MTRR: variants seen among roughly 807,000 people sequenced by gnomAD.
MTRR encodes methionine synthase reductase.
MTRR carries 63 observed loss-of-function variants against 79.2 expected under a neutral mutation model. The observed-to-expected ratio is 0.80, with a 90% confidence interval of 0.65 to 0.98. The LOEUF is 0.98. Ranked by LOEUF, MTRR falls within the 50% of genes least tolerant of loss-of-function variation. The pLI, the probability that MTRR is intolerant of heterozygous loss-of-function variation, is 0.00. For missense variants in MTRR, 895 were observed against 839.6 expected, an observed-to-expected ratio of 1.07 and a Z score of -0.82; for synonymous variants, 355 against 313.3, an observed-to-expected ratio of 1.13 and a Z score of -1.41.
intron 9 of MTRR, 77 bp from the exon 10 acceptor site, chr5:7,891,289 ATTTTTT>A (rs71591748): frequency 3.0e-4 from 110 of 365,124 alleles, no homozygotes; most frequent in Middle Eastern, 6.5e-4. Flanking sequence ...AAGACATGGA[ATTTTTT>A]TTTTTTTTTT....
intron 4 of MTRR, among the ~76,000 whole-genome samples, chr5:7,876,803 G>A (rs527270146): frequency 9.2e-5 from 14 of 152,282 alleles, no homozygotes; most frequent in African/African-American, 2.9e-4. Context: ...AGGGTCAAAC[G>A]GATTAATACA....
intron 5 of MTRR, among the ~76,000 whole-genome samples, chr5:7,881,473 C>T (rs1161716781): frequency 1.3e-5 from 2 of 152,020 alleles, no homozygotes; most frequent in African/African-American, 4.8e-5. Flanking sequence ...GGACTGGCCA[C>T]ATCTGCAGGC....
intron 5 of MTRR, among the ~76,000 whole-genome samples, chr5:7,881,330 C>T (rs1400037631): frequency 1.3e-5 from 2 of 151,936 alleles, no homozygotes; most frequent in Non-Finnish European, 2.9e-5. Context: ...GAGTGTGTCG[C>T]AACAACCCCA....
intron 7 of MTRR, 87 bp downstream of exon 7, chr5:7,885,941 C>T: frequency 6.3e-7 from 1 of 1,575,184 alleles, no homozygotes; most frequent in Non-Finnish European, 8.7e-7. Context: ...GGTTCAGGGT[C>T]CTGTGTGTTG....
At chr5:7,873,580 A>G in intron 3 of MTRR, 54 bp downstream of exon 3, 9 of 1,587,878 alleles carry the variant, frequency 5.7e-6, no homozygotes, top group South Asian at 1.1e-5. Context: ...TATCTCTGGT[A>G]TCTGAATTAT....
chr5:7,873,256 C>A, intron 2 of MTRR, 117 bp from the exon 3 acceptor site: 1 of 1,351,152 alleles, frequency 7.4e-7, no homozygotes, highest in Non-Finnish European at 1.1e-6. Flanking sequence ...CTCAAAAAAA[C>A]TGGCAAGGAA....
chr5:7,862,623 T>C (rs1297112325), intron 2 of MTRR, among the ~76,000 whole-genome samples: 1 of 152,142 alleles, frequency 6.6e-6, no homozygotes, highest in African/African-American at 2.4e-5. Flanking sequence ...GATATTCTGC[T>C]ACTACGTGGC....
chr5:7,882,926 A>G (rs886809337), intron 5 of MTRR, among the ~76,000 whole-genome samples: 15 of 152,182 alleles, frequency 9.9e-5, no homozygotes, highest in Admixed American at 8.5e-4. Flanking sequence ...TTTATTTTCT[A>G]TTTGTATTTC....
In MTRR at chr5:7,900,158, C is replaced by G; in HGVS notation, c.*100C>G. 1 of 1,400,064 alleles carries G rather than the reference C, an allele frequency of 7.1e-7. No individual in the cohort carries two copies. Among genetic ancestry groups the G allele is most frequent in the Non-Finnish European group, 9.8e-7 (1 of 1,018,042 alleles). 86.7% of individuals were successfully genotyped at this position (1,400,064 alleles called of 1,614,324 possible). Reference sequence around the variant, plus strand: ...CTTTAAATTTTCAAAAGAAAATTTTCTTTCAACATTTCTTGAAGGACATGG... The same window carrying G: ...CTTTAAATTTTCAAAAGAAAATTTTGTTTCAACATTTCTTGAAGGACATGG... On this transcript the variant is annotated 3_prime_UTR_variant, in exon 15 of 15. Coordinates refer to ENST00000440940, the MANE Select transcript of MTRR (RefSeq NM_002454.3).
At chr5:7,850,894 T>A (rs1208733500), upstream of MTRR, 2 of 1,349,458 alleles carry the variant, frequency 1.5e-6, no homozygotes, top group African/African-American at 3.0e-5. Flanking sequence ...GCGGTAGTAG[T>A]AGCTGTGCTC....
At chr5:7,891,818 G>A (rs573064216) in intron 10 of MTRR, among the ~76,000 whole-genome samples, 93 of 152,198 alleles carry the variant, frequency 6.1e-4, no homozygotes, top group African/African-American at 2.0e-3. Context: ...CGAGGCGGGC[G>A]GATCATGAGG....
intron 11 of MTRR, among the ~76,000 whole-genome samples, chr5:7,895,413 G>A (rs1436257215): frequency 6.6e-6 from 1 of 151,968 alleles, no homozygotes; most frequent in Non-Finnish European, 1.5e-5. Flanking sequence ...ATATGCTATT[G>A]TCTGCCCACC....
In MTRR at chr5:7,897,046, A is replaced by G. The variant is rs1162072965; in HGVS notation, c.1770-19A>G. The G allele has an allele frequency of 1.2e-6, 2 of 1,613,064 alleles. No homozygotes were observed. The highest frequency in any genetic ancestry group is 1.3e-5 in the African/African-American group (1 of 74,874). ...CAGCTTGACAACCTTTTAGTGATCCATTATATATTATATTTCAGAAAAGAG... is the reference window on the plus strand; with the variant it reads ...CAGCTTGACAACCTTTTAGTGATCCGTTATATATTATATTTCAGAAAAGAG... On this transcript the variant is annotated intron_variant, in intron 13 of 14. Transcript: ENST00000440940.
chr5:7,867,029 G>GT (rs557049889), upstream of MTRR: 2 of 1,614,156 alleles, frequency 1.2e-6, no homozygotes, highest in Non-Finnish European at 1.7e-6. Context: ...TAGGGCTTTT[G>GT]TAAAAAATGT....
At chr5:7,874,710 A>G (rs915347182) in intron 3 of MTRR, among the ~76,000 whole-genome samples, 3 of 147,580 alleles carry the variant, frequency 2.0e-5, no homozygotes, top group Non-Finnish European at 3.0e-5. Context: ...CTTTCTTTCT[A>G]TATCAGGAGT....
intron 11 of MTRR, chr5:7,893,215 G>A (rs1737936223): frequency 2.5e-6 from 1 of 392,800 alleles, no homozygotes; most frequent in Non-Finnish European, 4.7e-6. Flanking sequence ...CTGGGGAGGG[G>A]TGGAGAACTG....
chr5:7,873,279 A>G (rs1377360866), intron 2 of MTRR, 94 bp from the exon 3 acceptor site: 13 of 1,510,072 alleles, frequency 8.6e-6, no homozygotes, highest in Non-Finnish European at 1.1e-5. Flanking sequence ...AGATTGAAAT[A>G]CAAGACAGGA....
intron 11 of MTRR, 35 bp downstream of exon 11, chr5:7,892,948 A>T: frequency 6.3e-7 from 1 of 1,589,860 alleles, no homozygotes; most frequent in African/African-American, 1.3e-5. Flanking sequence ...AGCATTGTTA[A>T]CTCATACTCT....
chr5:7,858,668 A>C (rs1746330074), intron 1 of MTRR, among the ~76,000 whole-genome samples: 1 of 152,070 alleles, frequency 6.6e-6, no homozygotes, highest in Admixed American at 6.5e-5. Flanking sequence ...GCTTTATGTA[A>C]TTATCATCTC....
Sources: gnomAD v4.1 joint callset for allele counts (sites outside exome capture counted in the v4.1 genomes callset) on GRCh38, gnomAD v4.1.1 for gene constraint, MANE v1.5 for transcripts, NCBI Gene and HGNC (gene_info 2026-07-23, HGNC 2026-07-21) for gene names.